Variants in ST8SIA4 observed in about 807,000 individuals in gnomAD.
ST8SIA4 encodes ST8 alpha-N-acetyl-neuraminide alpha-2,8-sialyltransferase 4.
A neutral mutation model predicts 33.9 loss-of-function variants in ST8SIA4; 15 were observed. That is an observed-to-expected ratio of 0.44 (90% CI 0.30 to 0.68). ST8SIA4 has a LOEUF of 0.68. ST8SIA4 is among the 30% of genes least tolerant of loss of function. ST8SIA4 has a pLI of 0.10. For missense variants in ST8SIA4, 321 were observed against 428.0 expected, an observed-to-expected ratio of 0.75 and a Z score of 2.21; for synonymous variants, 171 against 151.2, an observed-to-expected ratio of 1.13 and a Z score of -0.96.
rs886501734 is a variant in ST8SIA4 at position 100,807,466 on chromosome 5, G to A, written c.*4381C>T. 1 of 152,392 alleles carries A rather than the reference G, an allele frequency of 6.6e-6. No homozygotes were observed. The highest frequency in any genetic ancestry group is 2.4e-5 in the African/African-American group (1 of 41,414). 9.4% of individuals were successfully genotyped at this position (152,392 alleles called of 1,614,324 possible). A position where few individuals can be genotyped will look rare whatever the true frequency, so the allele number is the denominator to read the frequency against. On this transcript the variant is annotated 3_prime_UTR_variant, in exon 5 of 5. Coordinates refer to ENST00000231461, the MANE Select transcript of ST8SIA4 (RefSeq NM_005668.6). ...GTGCTTTTGCCTACACAAAGAAACG[G>A]TTTTTATTAAAAGGTGCTACTTAAA... is the stretch of plus-strand genomic sequence containing the variant.
At chr5:100,837,445 G>A (rs1235584288) in intron 4 of ST8SIA4, among the ~76,000 whole-genome samples, 1 of 151,932 alleles carries the variant, frequency 6.6e-6, no homozygotes, top group Non-Finnish European at 1.5e-5. Flanking sequence ...TCTGATTGAG[G>A]TGCCAGTGTG....
In ST8SIA4 at chr5:100,812,093, G is replaced by A. The variant is rs143503881; in HGVS notation, c.834C>T (p.Pro278=). 531 of 1,612,898 alleles carry A rather than the reference G, an allele frequency of 3.3e-4. No individual in the cohort carries two copies. Among genetic ancestry groups the A allele is most frequent in the Non-Finnish European group, 4.2e-4 (499 of 1,179,726 alleles). The change falls in exon 5 of 5, where the codon CCC becomes CCT. Residue 278 remains proline (P), a synonymous_variant. Transcript: ENST00000231461. The part of the protein sequence containing the change: ...WLTNKVPIKR[P]STGLLMYTLA... The stretch of plus-strand genomic sequence containing the variant: ...GTGTATACATGAGAAGACCTGTGCT[G>A]GGTCTTTTGATAGGAACTTTGTTGG...
At chr5:100,890,533 A>T (rs1752637943) in intron 2 of ST8SIA4, 1 of 151,932 alleles carries the variant, frequency 6.6e-6, no homozygotes, top group Non-Finnish European at 1.5e-5. Flanking sequence ...CTAGAGACAC[A>T]TGAATCAACA....
rs891872975 is a variant in ST8SIA4, at chr5:100,873,735, C to T, written c.503+12608G>A. On this transcript the variant is annotated intron_variant, in intron 3 of 4. Coordinates refer to ENST00000231461, the MANE Select transcript of ST8SIA4 (RefSeq NM_005668.6). ...AAAGAATTTACCACCACTTTTCCAA[C>T]AAAGGTGGGGAAGAGGAGACTAGGA... Among the ~76,000 whole-genome samples, 3 of 152,106 alleles carry T rather than the reference C, an allele frequency of 2.0e-5. No individual in the cohort carries two copies. In the South Asian group the frequency reaches 6.2e-4, roughly 32 times the overall value.
chr5:100,897,551 T>A (rs1452522289), intron 1 of ST8SIA4, among the ~76,000 whole-genome samples: 1 of 152,152 alleles, frequency 6.6e-6, no homozygotes, highest in Non-Finnish European at 1.5e-5. Flanking sequence ...AGTCTAAAAC[T>A]GTGTTTTTTT....
intron 4 of ST8SIA4, among the ~76,000 whole-genome samples, chr5:100,838,252 G>T (rs1373127925): frequency 6.6e-6 from 1 of 151,996 alleles, no homozygotes; most frequent in Non-Finnish European, 1.5e-5. Flanking sequence ...AGAATCACCA[G>T]ATATTGAAAT....
chr5:100,901,602 C>T (rs1250746857), intron 1 of ST8SIA4, among the ~76,000 whole-genome samples: 2 of 152,104 alleles, frequency 1.3e-5, no homozygotes, highest in Non-Finnish European at 2.9e-5. Context: ...TCAGAATAGA[C>T]CATGTATAGA....
chr5:100,900,506 C>T (rs962371927), intron 1 of ST8SIA4: 1 of 456,108 alleles, frequency 2.2e-6, no homozygotes, highest in African/African-American at 2.0e-5. Flanking sequence ...GGGTCACAAG[C>T]TTTTCCACGA....
At chr5:100,834,091 A>T (rs1751315606) in intron 4 of ST8SIA4, among the ~76,000 whole-genome samples, 2 of 152,186 alleles carry the variant, frequency 1.3e-5, no homozygotes, top group African/African-American at 4.8e-5. Flanking sequence ...ATCAAAAGAC[A>T]TTATTTCTAT....
At chr5:100,890,969 A>G (rs929441239) in intron 2 of ST8SIA4, 1 of 151,904 alleles carries the variant, frequency 6.6e-6, no homozygotes, top group African/African-American at 2.4e-5. Context: ...TTTCAACGTC[A>G]CCTATCACTT....
intron 2 of ST8SIA4, among the ~76,000 whole-genome samples, chr5:100,890,407 T>C (rs535479897): frequency 2.0e-5 from 3 of 152,018 alleles, no homozygotes; most frequent in African/African-American, 7.2e-5. Flanking sequence ...GGAGAACATA[T>C]ATGCTTTTGC....
intron 1 of ST8SIA4, among the ~76,000 whole-genome samples, chr5:100,898,759 C>T (rs1752833340): frequency 6.6e-6 from 1 of 152,164 alleles, no homozygotes; most frequent in Non-Finnish European, 1.5e-5. Flanking sequence ...TGTTGCCACC[C>T]CCCTACTTGT....
At chr5:100,861,166 T>C (rs1751932465) in intron 3 of ST8SIA4, among the ~76,000 whole-genome samples, 1 of 151,836 alleles carries the variant, frequency 6.6e-6, no homozygotes, top group Admixed American at 6.6e-5. Flanking sequence ...GTATGATGAA[T>C]AGGCACACAA....
chr5:100,848,162 G>T (rs1158222824), intron 4 of ST8SIA4, among the ~76,000 whole-genome samples: 1 of 151,702 alleles, frequency 6.6e-6, no homozygotes, highest in Non-Finnish European at 1.5e-5. Flanking sequence ...AATATAAAAG[G>T]GGGGATATTT....
At chr5:100,880,746 AT>A (rs1752402060) in intron 3 of ST8SIA4, among the ~76,000 whole-genome samples, 1 of 152,280 alleles carries the variant, frequency 6.6e-6, no homozygotes, top group East Asian at 1.9e-4. Context: ...GACTCCTGAT[AT>A]TTTTTGAAGG....
chr5:100,875,151 T>G (rs1752278666), intron 3 of ST8SIA4, among the ~76,000 whole-genome samples: 3 of 152,178 alleles, frequency 2.0e-5, no homozygotes, highest in African/African-American at 7.2e-5. Context: ...GGTCAAAGTA[T>G]TCTACAGTAC....
At chr5:100,851,918 G>C (rs1751707484) in intron 4 of ST8SIA4, among the ~76,000 whole-genome samples, 1 of 151,824 alleles carries the variant, frequency 6.6e-6, no homozygotes, top group African/African-American at 2.4e-5. Flanking sequence ...CTATGTCTTA[G>C]ATAATAATTT....
rs73159969 is a variant in ST8SIA4 at position 100,850,639 on chromosome 5, T to C, written c.797+5464A>G. ...AAGCTTAATGTTTAAAATTAAAATA[T>C]CTGAATACAGATAATATTTTCAGAA... On this transcript the variant is annotated intron_variant, in intron 4 of 4. Coordinates refer to ENST00000231461, the MANE Select transcript of ST8SIA4 (RefSeq NM_005668.6). Among the ~76,000 whole-genome samples the C allele has an allele frequency of 7.5e-3, 1,133 of 152,016 alleles. 11 individuals are homozygous for C. Among genetic ancestry groups the C allele is most frequent in the African/African-American group, 0.025 (1,049 of 41,516 alleles).
intron 4 of ST8SIA4, among the ~76,000 whole-genome samples, chr5:100,818,692 A>G (rs1483983129): frequency 6.6e-6 from 1 of 152,194 alleles, no homozygotes; most frequent in Non-Finnish European, 1.5e-5. Flanking sequence ...AAAAGAAAGT[A>G]GAAAATCTTT....
Sources: gnomAD v4.1 joint callset for allele counts (sites outside exome capture counted in the v4.1 genomes callset) on GRCh38, gnomAD v4.1.1 for gene constraint, MANE v1.5 for transcripts, NCBI Gene and HGNC (gene_info 2026-07-23, HGNC 2026-07-21) for gene names.